Variants in COMMD1 observed in about 807,000 individuals in gnomAD.
COMMD1 encodes the protein copper metabolism domain containing 1, also known as COMM domain-containing protein 1.
COMMD1 carries 10 observed loss-of-function variants against 17.2 expected under a neutral mutation model. That is an observed-to-expected ratio of 0.58 (90% CI 0.36 to 0.99). The LOEUF is 0.99. Ranked by LOEUF, COMMD1 falls within the 50% of genes least tolerant of loss-of-function variation. The pLI, the probability that COMMD1 is intolerant of heterozygous loss-of-function variation, is 0.01. For synonymous variants in COMMD1, 97 were observed against 91.6 expected, an observed-to-expected ratio of 1.06 and a Z score of -0.34; for missense variants, 270 against 231.8, an observed-to-expected ratio of 1.17 and a Z score of -1.07.
chr2:61,985,228 T>C (rs1033946601), intron 1 of COMMD1, among the ~76,000 whole-genome samples: 1 of 152,020 alleles, frequency 6.6e-6, no homozygotes, highest in African/African-American at 2.4e-5. Context: ...TTTTTTGTAT[T>C]TTTAGTAGAG....
At chr2:61,959,476 G>A (rs1362673912) in intron 1 of COMMD1, among the ~76,000 whole-genome samples, 2 of 152,118 alleles carry the variant, frequency 1.3e-5, no homozygotes, top group South Asian at 4.1e-4. Context: ...AAACCTTAGG[G>A]CAGGCATTTT....
intron 1 of COMMD1, among the ~76,000 whole-genome samples, chr2:61,947,008 TAGAC>T (rs796790294): frequency 1.3e-5 from 2 of 152,202 alleles, no homozygotes; most frequent in South Asian, 2.1e-4. Flanking sequence ...ATCTAGGAAG[TAGAC>T]AGTCGTGAAT....
intron 2 of COMMD1, chr2:62,069,579 A>C (rs1158296079): frequency 6.6e-6 from 1 of 152,184 alleles, no homozygotes; most frequent in Non-Finnish European, 1.5e-5. Context: ...TAGGGCAAGG[A>C]CTTAAAATTG....
At chr2:62,050,242 A>T (rs1268569982) in intron 2 of COMMD1, among the ~76,000 whole-genome samples, 2 of 152,198 alleles carry the variant, frequency 1.3e-5, no homozygotes, top group Admixed American at 6.5e-5. Flanking sequence ...ACTTTAACCA[A>T]AAAGAAGACA....
In COMMD1 at chr2:62,121,371, C is replaced by CAAAAAAAAAAAA. The variant is rs55789110; in HGVS notation, c.463-14445_463-14434dup. 8.9e-4 allele frequency among the ~76,000 whole-genome samples: 42 copies of CAAAAAAAAAAAA among 47,200 alleles called. 1 individual carries two copies. The highest frequency in any genetic ancestry group is 2.4e-3 in the African/African-American group (26 of 10,746). The allele number at this position is 47,200 out of a possible 152,430, so 31.0% of individuals were successfully genotyped here. A position where few individuals can be genotyped will look rare whatever the true frequency, so the allele number is the denominator to read the frequency against. The stretch of plus-strand genomic sequence containing the variant: ...GGCAACAGAGTGAGAGACTCTTTCT[C>CAAAAAAAAAAAA]AAAAAAAAAAAAAAAAAAAAAAAAA... On this transcript the variant is annotated intron_variant, in intron 2 of 2. Coordinates refer to ENST00000311832, the MANE Select transcript of COMMD1 (RefSeq NM_152516.4).
At chr2:61,951,458 T>C (rs1671051618) in intron 1 of COMMD1, among the ~76,000 whole-genome samples, 1 of 140,568 alleles carries the variant, frequency 7.1e-6, no homozygotes, top group East Asian at 2.1e-4. Flanking sequence ...AGACTCTGTC[T>C]CAAAAAAAAA....
At chr2:62,111,759 T>G (rs1273463727) in intron 2 of COMMD1, among the ~76,000 whole-genome samples, 8 of 152,160 alleles carry the variant, frequency 5.3e-5, no homozygotes. Flanking sequence ...TCCAGTCTTT[T>G]AGTTCAAAGT....
At chr2:62,107,494 G>A (rs1300810026) in intron 2 of COMMD1, among the ~76,000 whole-genome samples, 1 of 152,182 alleles carries the variant, frequency 6.6e-6, no homozygotes, top group Non-Finnish European at 1.5e-5. Flanking sequence ...ACTTTTATGA[G>A]GCCAGCCTTC....
At chr2:61,904,646 CT>C (rs1669728649), upstream of COMMD1, among the ~76,000 whole-genome samples, 1 of 152,162 alleles carries the variant, frequency 6.6e-6, no homozygotes, top group Non-Finnish European at 1.5e-5. Flanking sequence ...TTATAAATTC[CT>C]TTTCATTTTA....
chr2:61,899,457 A>C (rs1229979678), intron 1 of COMMD1, among the ~76,000 whole-genome samples: 1 of 152,198 alleles, frequency 6.6e-6, no homozygotes, highest in Non-Finnish European at 1.5e-5. Flanking sequence ...TCATTTACTT[A>C]TGAGGGCTTC....
intron 1 of COMMD1, among the ~76,000 whole-genome samples, chr2:61,977,658 A>T (rs1671840971): frequency 6.6e-6 from 1 of 152,128 alleles, no homozygotes; most frequent in South Asian, 2.1e-4. Context: ...TATTACTACT[A>T]GGTAAAAATA....
chr2:61,957,301 T>A (rs1671224802), intron 1 of COMMD1, among the ~76,000 whole-genome samples: 1 of 152,102 alleles, frequency 6.6e-6, no homozygotes, highest in South Asian at 2.1e-4. Context: ...TCTTTCTGCT[T>A]CTGTTTTCTA....
intron 2 of COMMD1, among the ~76,000 whole-genome samples, chr2:62,062,085 A>G (rs1230136478): frequency 1.3e-5 from 2 of 152,038 alleles, no homozygotes; most frequent in African/African-American, 2.4e-5. Context: ...CTGGATTTGA[A>G]TCCTGATCCT....
At chr2:62,090,197 T>C (rs745513779) in intron 2 of COMMD1, among the ~76,000 whole-genome samples, 9 of 149,550 alleles carry the variant, frequency 6.0e-5, no homozygotes, top group Admixed American at 2.0e-4. Flanking sequence ...ACAAGAGATA[T>C]ATAATCCTAA....
intron 1 of COMMD1, among the ~76,000 whole-genome samples, chr2:61,949,290 T>C (rs960367361): frequency 6.6e-6 from 1 of 152,046 alleles, no homozygotes; most frequent in African/African-American, 2.4e-5. Context: ...GGGTGAAGTG[T>C]AGAGAACCGA....
intron 2 of COMMD1, chr2:62,001,195 A>G (rs898616059): frequency 1.8e-6 from 1 of 555,838 alleles, no homozygotes; most frequent in African/African-American, 1.9e-5. Context: ...CAGCTGTCTC[A>G]GAAGAACAGA....
chr2:62,023,632 C>A (rs373009075), intron 2 of COMMD1, among the ~76,000 whole-genome samples: 2 of 152,146 alleles, frequency 1.3e-5, no homozygotes, highest in Admixed American at 1.3e-4. Context: ...TACAGGTGCA[C>A]GCCACCACGC....
chr2:62,042,343 A>G (rs367758103), intron 2 of COMMD1, among the ~76,000 whole-genome samples: 1 of 152,204 alleles, frequency 6.6e-6, no homozygotes, highest in Admixed American at 6.5e-5. Context: ...TGATTGGTGC[A>G]TTTACAATTC....
At position 62,024,243 on chromosome 2, in the gene COMMD1, G is replaced by T. The variant is rs970687810; in HGVS notation, c.462+23261G>T. Among the ~76,000 whole-genome samples, 6 of 152,012 alleles carry T rather than the reference G, an allele frequency of 3.9e-5. No individual in the cohort carries two copies. The South Asian group carries it at 1.2e-3, about 32-fold the overall frequency. On this transcript the variant is annotated intron_variant, in intron 2 of 2. Transcript: ENST00000311832. ...TGTTTTTGTTTTTTGTGGAGACAGG[G>T]TCTCCCTCTGTAACTCATGCTGGAG...
Sources: allele counts gnomAD v4.1 joint callset (sites outside exome capture counted in the v4.1 genomes callset), GRCh38; gene constraint gnomAD v4.1.1; transcripts MANE v1.5; gene names NCBI Gene and HGNC (gene_info 2026-07-23, HGNC 2026-07-21).